EML1: variants seen among roughly 807,000 people sequenced by gnomAD.
EML1 encodes the protein EMAP like 1.
In EML1, 27 loss-of-function variants were observed where a neutral mutation model predicts 110.4. That is an observed-to-expected ratio of 0.24 (90% confidence interval 0.18 to 0.34). The LOEUF (loss-of-function observed/expected upper bound fraction) is 0.34, where lower values mean the gene tolerates loss of function less well. EML1 is among the 10% of genes least tolerant of loss of function. EML1 has a pLI of 1.00. For synonymous variants in EML1, 344 were observed against 385.8 expected (o/e 0.89, Z 1.27); for missense variants, 741 against 1,030.9 (o/e 0.72, Z 3.85).
chr14:99,924,653 T>C (rs2060201433), intron 17 of EML1, among the ~76,000 whole-genome samples: 1 of 152,218 alleles, frequency 6.6e-6, no homozygotes, highest in South Asian at 2.1e-4. Context: ...TATATTAATA[T>C]CACTACATTT....
intron 1 of EML1, among the ~76,000 whole-genome samples, chr14:99,742,117 A>AC (rs2057050418): frequency 1.3e-5 from 2 of 151,476 alleles, no homozygotes; most frequent in Non-Finnish European, 2.9e-5. Context: ...GACATCAAGT[A>AC]CCCCCCACCT....
At chr14:99,742,065 C>T (rs1315303256) in intron 1 of EML1, among the ~76,000 whole-genome samples, 4 of 152,146 alleles carry the variant, frequency 2.6e-5, no homozygotes, top group Admixed American at 2.6e-4. Flanking sequence ...TATTAGCCAT[C>T]CACAGGCCAG....
At chr14:99,922,257 A>C (rs1316155710) in intron 17 of EML1, among the ~76,000 whole-genome samples, 1 of 151,966 alleles carries the variant, frequency 6.6e-6, no homozygotes, top group Non-Finnish European at 1.5e-5. Flanking sequence ...CTGGGATTAC[A>C]GGTGCATGCC....
chr14:99,778,494 G>A (rs2057506599), intron 1 of EML1, among the ~76,000 whole-genome samples: 1 of 152,000 alleles, frequency 6.6e-6, no homozygotes, highest in African/African-American at 2.4e-5. Flanking sequence ...ACTGTAGTCT[G>A]GACTGGTTGC....
At chr14:99,764,590 G>A (rs1381264191) in intron 1 of EML1, among the ~76,000 whole-genome samples, 1 of 152,242 alleles carries the variant, frequency 6.6e-6, no homozygotes, top group African/African-American at 2.4e-5. Flanking sequence ...ATGCAGGTTG[G>A]CGAACAGATG....
At chr14:99,738,336 G>A (rs1173525257) in intron 1 of EML1, among the ~76,000 whole-genome samples, 1 of 152,224 alleles carries the variant, frequency 6.6e-6, no homozygotes, top group East Asian at 1.9e-4. Context: ...GGCCCTCTGT[G>A]TGCCCTCATA....
At chr14:99,806,404 C>CCT (rs1566874307) in intron 1 of EML1, among the ~76,000 whole-genome samples, 1 of 150,424 alleles carries the variant, frequency 6.6e-6, no homozygotes, top group African/African-American at 2.5e-5. Context: ...GCAACCTCTG[C>CCT]CTCCCGGGTT....
intron 2 of EML1, among the ~76,000 whole-genome samples, chr14:99,859,935 G>A (rs941835745): frequency 6.6e-6 from 1 of 152,176 alleles, no homozygotes; most frequent in African/African-American, 2.4e-5. Context: ...ACTATGTGCC[G>A]GGCACTGTAC....
intron 3 of EML1, chr14:99,875,092 C>T (rs1053372949): frequency 7.0e-6 from 7 of 997,338 alleles, no homozygotes; most frequent in African/African-American, 1.6e-5. Context: ...GCCTACCATT[C>T]ATCAAGTCAT....
intron 1 of EML1, among the ~76,000 whole-genome samples, chr14:99,832,937 G>A (rs766908660): frequency 3.9e-5 from 6 of 152,034 alleles, no homozygotes; most frequent in Admixed American, 2.6e-4. Context: ...TACATGTGTC[G>A]GTTCTTACAT....
At chr14:99,791,237 G>A (rs2057667125), upstream of EML1, among the ~76,000 whole-genome samples, 1 of 152,150 alleles carries the variant, frequency 6.6e-6, no homozygotes. Context: ...TCACCAGGGT[G>A]CTCCAGGTCA....
intron 2 of EML1, among the ~76,000 whole-genome samples, chr14:99,855,159 CTG>C (rs765441968): frequency 6.6e-5 from 10 of 152,166 alleles, no homozygotes; most frequent in African/African-American, 1.2e-4. Context: ...GGCTATAAAA[CTG>C]TATATACTGT....
At chr14:99,906,485 G>A (rs1233189972) in intron 9 of EML1, among the ~76,000 whole-genome samples, 5 of 152,184 alleles carry the variant, frequency 3.3e-5, no homozygotes, top group African/African-American at 1.2e-4. Flanking sequence ...AACTGTCATG[G>A]TGCTGGTGGG....
upstream of EML1, among the ~76,000 whole-genome samples, chr14:99,790,352 G>T (rs955209101): frequency 6.6e-6 from 1 of 151,846 alleles, no homozygotes; most frequent in Non-Finnish European, 1.5e-5. Context: ...TGTTGCCCAG[G>T]CTGGAGTTGA....
chr14:99,846,801 G>T (rs887489679), intron 1 of EML1, among the ~76,000 whole-genome samples: 14 of 152,046 alleles, frequency 9.2e-5, no homozygotes, highest in African/African-American at 2.7e-4. Context: ...CTAATTTAAT[G>T]CATGCTTCAA....
At chr14:99,788,106 T>C (rs1265199095) in intron 1 of EML1, among the ~76,000 whole-genome samples, 1 of 152,168 alleles carries the variant, frequency 6.6e-6, no homozygotes, top group Non-Finnish European at 1.5e-5. Context: ...GCTTGCCTGA[T>C]GTGGCTGCCC....
Position 99,815,737 on chromosome 14 carries a change from G to T in EML1, c.67+22194G>T, listed in dbSNP as rs1361864479. Among the ~76,000 whole-genome samples the T allele has an allele frequency of 2.0e-5, 3 of 152,132 alleles. No homozygotes were observed. In the East Asian group the frequency reaches 5.8e-4, roughly 29 times the overall value. ...AAAATTTCTGAGTTACTCTTTGTTG[G>T]GTTTTTGTGAGCTAAGGGGATTTTT... On this transcript the variant is annotated intron_variant, in intron 1 of 21. Transcript: ENST00000262233.
intron 2 of EML1, among the ~76,000 whole-genome samples, chr14:99,853,283 C>T (rs2058842577): frequency 6.6e-6 from 1 of 152,200 alleles, no homozygotes; most frequent in South Asian, 2.1e-4. Context: ...GGTGAATGGG[C>T]TGCATCCCCT....
At chr14:99,883,207 G>A (rs2059417514) in intron 4 of EML1, 1 of 152,000 alleles carries the variant, frequency 6.6e-6, no homozygotes, top group African/African-American at 2.4e-5. Flanking sequence ...CTTTTTTGAG[G>A]CCATTTATTT....
Sources: allele counts gnomAD v4.1 joint callset (sites outside exome capture counted in the v4.1 genomes callset), GRCh38; gene constraint gnomAD v4.1.1; transcripts MANE v1.5; gene names NCBI Gene and HGNC (gene_info 2026-07-23, HGNC 2026-07-21).